Variants in PRPF6 observed in about 807,000 individuals in gnomAD.
PRPF6 encodes pre-mRNA processing factor 6.
In PRPF6, 42 loss-of-function variants were observed where a neutral mutation model predicts 118.3. The observed-to-expected ratio is 0.35, with a 90% CI of 0.28 to 0.46. The LOEUF (loss-of-function observed/expected upper bound fraction) is 0.46, where lower values mean the gene tolerates loss of function less well. Among genes scored for constraint, PRPF6 ranks in the 20% least tolerant of loss-of-function variants. The pLI is 1.00. For synonymous variants in PRPF6, 481 were observed against 485.1 expected (o/e 0.99, Z 0.11); for missense variants, 662 against 1,255.7 (o/e 0.53, Z 7.15).
chr20:63,999,581 G>T lies in PRPF6; in HGVS notation c.867-22G>T, dbSNP rs572422493. Reference sequence around the variant, plus strand: ...ACCCCTGACAGCATGGCCTGATGCCGTGTGCACTCTCCCTCTCATAGTGAT... The same window carrying T: ...ACCCCTGACAGCATGGCCTGATGCCTTGTGCACTCTCCCTCTCATAGTGAT... On this transcript the variant is annotated intron_variant, in intron 7 of 20. Transcript: ENST00000266079. The T allele has an allele frequency of 1.8e-5, 29 of 1,613,638 alleles. No individual in the cohort carries two copies. In the South Asian group the frequency reaches 2.9e-4, roughly 16 times the overall value.
chr20:64,025,253 A>AGCT (rs1424805587), intron 14 of PRPF6, among the ~76,000 whole-genome samples: 1 of 152,134 alleles, frequency 6.6e-6, no homozygotes, highest in East Asian at 1.9e-4. Context: ...TGCCTGTTTG[A>AGCT]GATGGCATCA....
At chr20:64,001,271 C>G in intron 9 of PRPF6, 32 bp downstream of exon 9, 1 of 1,613,674 alleles carries the variant, frequency 6.2e-7, no homozygotes, top group Non-Finnish European at 8.5e-7. Context: ...TGCTTTCTCC[C>G]TCCTTGGGGC....
chr20:63,984,594 C>T (rs2059085539), intron 2 of PRPF6, among the ~76,000 whole-genome samples: 1 of 152,102 alleles, frequency 6.6e-6, no homozygotes, highest in Non-Finnish European at 1.5e-5. Context: ...GTACTATTAA[C>T]TAATTTGTCA....
At chr20:63,999,178 T>G in intron 7 of PRPF6, 39 bp downstream of exon 7, 1 of 1,552,734 alleles carries the variant, frequency 6.4e-7, no homozygotes, top group Non-Finnish European at 8.9e-7. Context: ...GGATGGAGAC[T>G]CTAGTTGCCT....
At chr20:63,999,504 G>A in intron 7 of PRPF6, 99 bp from the exon 8 acceptor site, 2 of 1,487,344 alleles carry the variant, frequency 1.3e-6, no homozygotes, top group Non-Finnish European at 1.9e-6. Flanking sequence ...AGGACTGATA[G>A]TTCTTACATT....
chr20:63,998,458 C>T (rs1156745313), intron 6 of PRPF6, among the ~76,000 whole-genome samples: 1 of 151,584 alleles, frequency 6.6e-6, no homozygotes. Flanking sequence ...TTCCTTGAGC[C>T]CAGGAGCTGG....
intron 19 of PRPF6, among the ~76,000 whole-genome samples, chr20:64,030,088 CAT>C (rs1383118541): frequency 1.3e-5 from 2 of 152,360 alleles, no homozygotes; most frequent in Admixed American, 6.5e-5. Flanking sequence ...ACTCTAGGCA[CAT>C]GTGGGCAAAG....
Position 63,995,250 on chromosome 20 carries a change from T to G in PRPF6, c.616-77T>G. On this transcript the variant is annotated intron_variant, in intron 5 of 20. Transcript: ENST00000266079. ...TGCATATGTCAGGCCACTGGGGAAG[T>G]ATTTCAGAGAGTAAATTTCTTGGGC... 19 of 1,572,494 alleles carry G rather than the reference T, an allele frequency of 1.2e-5. 1 individual carries two copies. In the South Asian group the frequency reaches 2.1e-4, roughly 17 times the overall value.
At position 63,999,036 on chromosome 20, in the gene PRPF6, G is replaced by C. The variant is rs537571991; in HGVS notation, c.772-9G>C. The stretch of plus-strand genomic sequence containing the variant: ...GTCCAGCTGACTCTTAGCTTGGCCT[G>C]TCTCACAGGTGTCTGACTCCGTGAG... On this transcript the variant is annotated splice_polypyrimidine_tract_variant and intron_variant, in intron 6 of 20. Transcript: ENST00000266079. The C allele has an allele frequency of 6.2e-7, 1 of 1,610,272 alleles. No homozygotes were observed. Among genetic ancestry groups the C allele is most frequent in the East Asian group, 2.2e-5 (1 of 44,858 alleles).
intron 14 of PRPF6, among the ~76,000 whole-genome samples, chr20:64,025,134 C>T (rs1016417807): frequency 2.6e-5 from 4 of 152,088 alleles, no homozygotes; most frequent in African/African-American, 7.2e-5. Context: ...CTATAGAATG[C>T]TATATAAAAG....
intron 1 of PRPF6, 151 bp from the exon 2 acceptor site, chr20:63,982,896 G>C: frequency 1.1e-6 from 1 of 885,116 alleles, no homozygotes; most frequent in Non-Finnish European, 1.8e-6. Context: ...AAGATCAGAA[G>C]TGTTTGAGAC....
intron 3 of PRPF6, among the ~76,000 whole-genome samples, chr20:63,989,694 T>C (rs927174437): frequency 3.3e-4 from 50 of 151,934 alleles, no homozygotes; most frequent in African/African-American, 1.2e-3. Flanking sequence ...TTTTGTATTT[T>C]AGTAGAGACG....
chr20:64,027,300 C>A lies in PRPF6; in HGVS notation c.2205+142C>A. 8.6e-7 allele frequency: 1 copy of A among 1,161,660 alleles called. No individual in the cohort carries two copies. Among genetic ancestry groups the A allele is most frequent in the South Asian group, 1.3e-5 (1 of 74,476 alleles). The allele number at this position is 1,161,660 out of a possible 1,614,324, so 72.0% of individuals were successfully genotyped here. A position where few individuals can be genotyped will look rare whatever the true frequency, so the allele number is the denominator to read the frequency against. On this transcript the variant is annotated intron_variant, in intron 16 of 20. Transcript: ENST00000266079. This position sits in a 1 kb window ranked among gnomAD's most constrained non-coding sequence, Gnocchi z 6.5. ...AGCTGATGGAGCTGCAGACTCAGGA[C>A]CCAAACCCTGGTCCCCTCGCTGAGT... is the stretch of plus-strand genomic sequence containing the variant.
chr20:63,985,273 C>T (rs933808494), intron 3 of PRPF6, among the ~76,000 whole-genome samples: 9 of 151,086 alleles, frequency 6.0e-5, no homozygotes, highest in Admixed American at 3.3e-4. Context: ...GTGGAAGGAC[C>T]GTTTAAGCCC....
Position 64,032,689 on chromosome 20 carries a change from C to G in PRPF6, c.2674-152C>G, listed in dbSNP as rs971875550. Reference sequence around the variant, plus strand: ...CTTTGAGGAACACACCTGAAAGAGCCTTGCCTTCCGGTGCAGGGCCTGTGC... The same window carrying G: ...CTTTGAGGAACACACCTGAAAGAGCGTTGCCTTCCGGTGCAGGGCCTGTGC... On this transcript the variant is annotated intron_variant, in intron 20 of 20. Transcript: ENST00000266079. The G allele has an allele frequency of 3.0e-6, 3 of 986,468 alleles. No homozygotes were observed. In the African/African-American group the frequency reaches 4.8e-5, roughly 16 times the overall value. 61.1% of individuals were successfully genotyped at this position (986,468 alleles called of 1,614,324 possible). A position where few individuals can be genotyped will look rare whatever the true frequency, so the allele number is the denominator to read the frequency against.
chr20:64,004,439 A>G (rs1206064751), intron 9 of PRPF6, among the ~76,000 whole-genome samples: 1 of 152,208 alleles, frequency 6.6e-6, no homozygotes, highest in Non-Finnish European at 1.5e-5. Flanking sequence ...GCAAACACTT[A>G]CACGTTGCTT....
Position 64,027,977 on chromosome 20 carries a change from T to C in PRPF6, c.2339+241T>C, listed in dbSNP as rs2059298827. On this transcript the variant is annotated intron_variant, in intron 17 of 20. Transcript: ENST00000266079. The surrounding 1 kb of genome is among the most constrained non-coding windows in gnomAD (Gnocchi z 6.5). ...AATTTGTGTTCTGATGGAGGGCGCCTGGGAGAGGGAGGGGTTAATGATGGC... is the reference window on the plus strand; with the variant it reads ...AATTTGTGTTCTGATGGAGGGCGCCCGGGAGAGGGAGGGGTTAATGATGGC... Among the ~76,000 whole-genome samples the C allele has an allele frequency of 6.6e-6, 1 of 151,856 alleles. No individual in the cohort carries two copies. Among genetic ancestry groups the C allele is most frequent in the Non-Finnish European group, 1.5e-5 (1 of 67,950 alleles).
At chr20:64,019,608 G>A (rs2059254044) in intron 12 of PRPF6, among the ~76,000 whole-genome samples, 1 of 152,214 alleles carries the variant, frequency 6.6e-6, no homozygotes, top group African/African-American at 2.4e-5. Context: ...GGTCCAAGGA[G>A]GCGATGGAGA....
intron 7 of PRPF6, 98 bp downstream of exon 7, chr20:63,999,237 G>C: frequency 9.9e-7 from 1 of 1,013,050 alleles, no homozygotes; most frequent in Non-Finnish European, 1.5e-6. Flanking sequence ...AATGGGACAT[G>C]GCGGTTCTAA....
Sources: allele counts gnomAD v4.1 joint callset (sites outside exome capture counted in the v4.1 genomes callset), GRCh38; gene constraint gnomAD v4.1.1; non-coding constraint Gnocchi (gnomAD v3.1); transcripts MANE v1.5; gene names NCBI Gene and HGNC (gene_info 2026-07-23, HGNC 2026-07-21).